The following CD200R1L variants were observed in gnomAD, a reference collection of about 807,000 sequenced individuals.
The protein encoded by CD200R1L is cell surface glycoprotein CD200 receptor 2.
CD200R1L carries 14 observed loss-of-function variants against 24.8 expected under a neutral mutation model. The observed-to-expected ratio is 0.56, with a 90% CI of 0.37 to 0.88. The LOEUF (loss-of-function observed/expected upper bound fraction) is 0.88, where lower values mean the gene tolerates loss of function less well. Ranked by LOEUF, CD200R1L falls within the 40% of genes least tolerant of loss-of-function variation. The pLI is 0.00. For missense variants in CD200R1L, 299 were observed against 297.8 expected, an observed-to-expected ratio of 1.00 and a Z score of -0.03; for synonymous variants, 111 against 109.2, an observed-to-expected ratio of 1.02 and a Z score of -0.11.
At chr3:112,821,444 A>G (rs1278662201) in intron 6 of CD200R1L, among the ~76,000 whole-genome samples, 1 of 152,252 alleles carries the variant, frequency 6.6e-6, no homozygotes, top group Non-Finnish European at 1.5e-5. Context: ...TACAGATAAA[A>G]CATAAATTTC....
At chr3:112,824,624 A>C (rs1938614332) in intron 6 of CD200R1L, among the ~76,000 whole-genome samples, 1 of 152,228 alleles carries the variant, frequency 6.6e-6, no homozygotes, top group Non-Finnish European at 1.5e-5. Flanking sequence ...ACTTAAGAAA[A>C]CGAAAAAGTT....
intron 7 of CD200R1L, among the ~76,000 whole-genome samples, chr3:112,816,593 G>A (rs1938398081): frequency 6.6e-6 from 1 of 152,198 alleles, no homozygotes; most frequent in South Asian, 2.1e-4. Flanking sequence ...CTGCCACAAG[G>A]AGAAAGGGGA....
At position 112,827,028 on chromosome 3, in the gene CD200R1L, G is replaced by T. The variant is rs61740125; in HGVS notation, c.581C>A (p.Thr194Asn). Residue 194 changes from threonine (T) to asparagine (N), a missense_variant, in exon 6 of 8, where the codon ACT (threonine) becomes AAT (asparagine). Transcript: ENST00000488794. ...STVTCHVSHL[T>N]GNKSLSVKLN... ...CTTTACGGACAGACTCTTGTTGCCAGTCAAATGGGAGACATGGCAGGTCAC... is the reference window on the plus strand; with the variant it reads ...CTTTACGGACAGACTCTTGTTGCCATTCAAATGGGAGACATGGCAGGTCAC... 6.2e-7 allele frequency: 1 copy of T among 1,612,124 alleles called. No homozygotes were observed. Among genetic ancestry groups the T allele is most frequent in the Non-Finnish European group, 8.5e-7 (1 of 1,179,736 alleles).
chr3:112,816,613 T>C (rs1166675346), intron 7 of CD200R1L, among the ~76,000 whole-genome samples: 1 of 152,134 alleles, frequency 6.6e-6, no homozygotes, highest in Non-Finnish European at 1.5e-5. Flanking sequence ...AGGATGAGCA[T>C]TGGACCAGTG....
intron 3 of CD200R1L, among the ~76,000 whole-genome samples, chr3:112,832,477 C>T (rs1938824572): frequency 6.6e-6 from 1 of 152,062 alleles, no homozygotes; most frequent in South Asian, 2.1e-4. Context: ...CCCCAAACCA[C>T]CCCCCTTGGC....
At chr3:112,816,210 G>A (rs11918522) in intron 7 of CD200R1L, among the ~76,000 whole-genome samples, 34,731 of 152,090 alleles carry the variant, frequency 0.23, 4,595 homozygotes, top group African/African-American at 0.35. Context: ...CTGGGATCAA[G>A]TGGAGGTCAG....
At chr3:112,817,393 T>A (rs111281075) in intron 7 of CD200R1L, among the ~76,000 whole-genome samples, 5 of 152,186 alleles carry the variant, frequency 3.3e-5, no homozygotes, top group African/African-American at 9.7e-5. Context: ...TTTTCCAACC[T>A]CTGTGGATGT....
intron 2 of CD200R1L, among the ~76,000 whole-genome samples, chr3:112,838,348 A>G (rs1235379591): frequency 6.6e-6 from 1 of 152,168 alleles, no homozygotes; most frequent in Non-Finnish European, 1.5e-5. Context: ...GCCCAGGAGT[A>G]AAGTTCCATC....
At chr3:112,842,840 C>G (rs1939113614) in intron 2 of CD200R1L, among the ~76,000 whole-genome samples, 1 of 152,206 alleles carries the variant, frequency 6.6e-6, no homozygotes, top group African/African-American at 2.4e-5. Flanking sequence ...GACCGGTTCT[C>G]TGCTCTCGAA....
intron 4 of CD200R1L, among the ~76,000 whole-genome samples, chr3:112,828,009 T>G (rs889580987): frequency 6.6e-5 from 10 of 152,316 alleles, no homozygotes; most frequent in African/African-American, 2.4e-4. Context: ...AAAACAGAAT[T>G]ATAATTTAAA....
intron 2 of CD200R1L, among the ~76,000 whole-genome samples, chr3:112,843,586 A>C (rs1187130399): frequency 6.6e-6 from 1 of 152,244 alleles, no homozygotes; most frequent in Non-Finnish European, 1.5e-5. Flanking sequence ...AAATTTAAGA[A>C]CAATGTCTGT....
intron 2 of CD200R1L, among the ~76,000 whole-genome samples, chr3:112,842,270 G>A (rs942136242): frequency 2.0e-5 from 3 of 152,258 alleles, no homozygotes; most frequent in South Asian, 4.1e-4. Flanking sequence ...GGAGGGACCA[G>A]CTGGAGCCGT....
intron 4 of CD200R1L, among the ~76,000 whole-genome samples, chr3:112,828,404 G>A (rs925566073): frequency 6.6e-6 from 1 of 152,058 alleles, no homozygotes; most frequent in Non-Finnish European, 1.5e-5. Flanking sequence ...AAAAAAAAAT[G>A]CCTAGTGATA....
chr3:112,830,094 A>G (rs1159803181), intron 3 of CD200R1L, among the ~76,000 whole-genome samples: 1 of 152,214 alleles, frequency 6.6e-6, no homozygotes, highest in African/African-American at 2.4e-5. Flanking sequence ...AAACAGGGTC[A>G]CTTCGGGGGA....
intron 3 of CD200R1L, among the ~76,000 whole-genome samples, chr3:112,831,627 G>A (rs149562627): frequency 6.6e-6 from 1 of 152,286 alleles, no homozygotes; most frequent in African/African-American, 2.4e-5. Context: ...CATAAAAAGA[G>A]CAAATTGGAC....
At chr3:112,829,643 G>A in intron 3 of CD200R1L, 1 of 687,976 alleles carries the variant, frequency 1.5e-6, no homozygotes, top group South Asian at 6.6e-5. Flanking sequence ...CAACTAGTTT[G>A]TATGAGGTAA....
At chr3:112,842,559 C>T (rs573993642) in intron 2 of CD200R1L, among the ~76,000 whole-genome samples, 1 of 152,274 alleles carries the variant, frequency 6.6e-6, no homozygotes, top group South Asian at 2.1e-4. Flanking sequence ...TAAAGTCTGA[C>T]TGCCTGCGGG....
intron 5 of CD200R1L, 42 bp from the exon 6 acceptor site, chr3:112,827,283 A>G (rs776404385): frequency 2.5e-6 from 4 of 1,591,490 alleles, no homozygotes; most frequent in South Asian, 2.3e-5. Flanking sequence ...CAGTTTTCAC[A>G]TAAAGCATAT....
chr3:112,818,126 T>C (rs1221875300), intron 7 of CD200R1L, among the ~76,000 whole-genome samples: 1 of 152,234 alleles, frequency 6.6e-6, no homozygotes, highest in Non-Finnish European at 1.5e-5. Flanking sequence ...TTGAGATTTT[T>C]GTGGGGACAC....
Sources: allele counts gnomAD v4.1 joint callset (sites outside exome capture counted in the v4.1 genomes callset), GRCh38; gene constraint gnomAD v4.1.1; transcripts MANE v1.5; gene names NCBI Gene and HGNC (gene_info 2026-07-23, HGNC 2026-07-21).